Variants in SPSB1 observed in about 807,000 individuals in gnomAD.
SPSB1 encodes the protein splA/ryanodine receptor domain and SOCS box containing 1.
In SPSB1, 8 loss-of-function variants were observed where a neutral mutation model predicts 21.2. The observed-to-expected ratio is 0.38, with a 90% CI of 0.22 to 0.68. SPSB1 has a LOEUF of 0.68. Among genes scored for constraint, SPSB1 ranks in the 30% least tolerant of loss-of-function variants. The probability of loss-of-function intolerance (pLI) is 0.53; values close to 1 mark genes in which losing one functional copy is unlikely to be tolerated. For missense variants in SPSB1, 242 were observed against 377.8 expected (o/e 0.64, Z 2.98); for synonymous variants, 169 against 161.7 (o/e 1.05, Z -0.34).
chr1:9,298,406 A>G (rs1570166419), intron 1 of SPSB1, among the ~76,000 whole-genome samples: 1 of 81,766 alleles, frequency 1.2e-5, no homozygotes, highest in South Asian at 3.9e-4. Context: ...GAATGAGTGA[A>G]CGAATGAATG....
chr1:9,295,191 A>G (rs1279925292), intron 1 of SPSB1, among the ~76,000 whole-genome samples: 5 of 144,908 alleles, frequency 3.5e-5, no homozygotes, highest in Admixed American at 2.8e-4. Flanking sequence ...CAGTAGATGG[A>G]GTGTGTGTGT....
intron 1 of SPSB1, among the ~76,000 whole-genome samples, chr1:9,329,704 CA>C (rs370850231): frequency 0.011 from 970 of 87,024 alleles, 7 homozygotes; most frequent in African/African-American, 0.019. Flanking sequence ...AAAACAACAA[CA>C]AAAAAAAAAA....
chr1:9,359,091 C>A (rs1640422881), intron 2 of SPSB1, among the ~76,000 whole-genome samples: 1 of 152,232 alleles, frequency 6.6e-6, no homozygotes, highest in South Asian at 2.1e-4. Flanking sequence ...TAGATGGCCA[C>A]TCAGAGCATC....
chr1:9,311,203 T>C (rs972063604), intron 1 of SPSB1, among the ~76,000 whole-genome samples: 2 of 151,298 alleles, frequency 1.3e-5, no homozygotes, highest in African/African-American at 4.9e-5. Flanking sequence ...GCAGCCAGTA[T>C]TCCCTGAATG....
chr1:9,297,958 C>G (rs938562454), intron 1 of SPSB1, among the ~76,000 whole-genome samples: 9 of 152,210 alleles, frequency 5.9e-5, no homozygotes, highest in African/African-American at 2.2e-4. Context: ...CCAGCCCTTA[C>G]AGTGGGAGCC....
rs533796248 is a variant in SPSB1 at position 9,314,169 on chromosome 1, C to CT, written c.-150+21099dup. On this transcript the variant is annotated intron_variant, in intron 1 of 2. Coordinates refer to ENST00000328089, the MANE Select transcript of SPSB1 (RefSeq NM_025106.4). ...CCAGCCTGGGCAACAGATTGAGACT[C>CT]TATCTCAAAAAAAAAAAACAAAAAA... is the stretch of plus-strand genomic sequence containing the variant. 3.9e-4 allele frequency among the ~76,000 whole-genome samples: 48 copies of CT among 124,546 alleles called. 2 individuals carry two copies. In the South Asian group the frequency reaches 0.014, roughly 35 times the overall value. 81.7% of individuals were successfully genotyped at this position (124,546 alleles called of 152,430 possible). A position where few individuals can be genotyped will look rare whatever the true frequency, so the allele number is the denominator to read the frequency against.
At chr1:9,359,640 T>C (rs1277199215) in intron 2 of SPSB1, among the ~76,000 whole-genome samples, 1 of 148,438 alleles carries the variant, frequency 6.7e-6, no homozygotes, top group African/African-American at 2.5e-5. Context: ...AGGTGGAGGT[T>C]GCAGTGAGCT....
chr1:9,337,633 G>C (rs1368293854), intron 1 of SPSB1, among the ~76,000 whole-genome samples: 3 of 152,172 alleles, frequency 2.0e-5, no homozygotes, highest in African/African-American at 7.2e-5. Flanking sequence ...TCCCCAGTTA[G>C]GTGCCTCTCT....
At chr1:9,355,616 G>T in intron 1 of SPSB1, 127 bp from the exon 2 acceptor site, 5 of 1,086,460 alleles carry the variant, frequency 4.6e-6, no homozygotes, top group African/African-American at 1.6e-5. Flanking sequence ...GCCTGCCCGT[G>T]TCAGGCATGA....
chr1:9,323,702 G>T (rs940052485), intron 1 of SPSB1, among the ~76,000 whole-genome samples: 8 of 152,260 alleles, frequency 5.3e-5, no homozygotes, highest in South Asian at 4.1e-4. Context: ...ATGTTGGGCA[G>T]ATTCTGGGGA....
intron 1 of SPSB1, among the ~76,000 whole-genome samples, chr1:9,323,396 G>A (rs1412354624): frequency 6.6e-6 from 1 of 152,200 alleles, no homozygotes; most frequent in Non-Finnish European, 1.5e-5. Context: ...CTGGCTGGCT[G>A]TGGAGCCTCC....
intron 1 of SPSB1, among the ~76,000 whole-genome samples, chr1:9,350,488 G>A (rs935970720): frequency 2.0e-5 from 3 of 152,254 alleles, no homozygotes; most frequent in South Asian, 4.1e-4. Flanking sequence ...GCCGGCCAGG[G>A]CACTGCCTGG....
intron 1 of SPSB1, among the ~76,000 whole-genome samples, chr1:9,342,826 G>C (rs1357686770): frequency 6.6e-6 from 1 of 152,246 alleles, no homozygotes; most frequent in African/African-American, 2.4e-5. Context: ...AGAAAGGGGA[G>C]GGGGCAGAGG....
chr1:9,342,103 T>C (rs944538695), intron 1 of SPSB1, among the ~76,000 whole-genome samples: 5 of 152,212 alleles, frequency 3.3e-5, no homozygotes. Context: ...CTTAGGGGCT[T>C]AGCAGATACT....
At chr1:9,327,253 T>G (rs1639831278) in intron 1 of SPSB1, among the ~76,000 whole-genome samples, 1 of 152,228 alleles carries the variant, frequency 6.6e-6, no homozygotes, top group South Asian at 2.1e-4. Context: ...CTCATCCAGT[T>G]TCATTTCTAT....
chr1:9,310,593 G>A (rs1639500737), intron 1 of SPSB1, among the ~76,000 whole-genome samples: 1 of 152,164 alleles, frequency 6.6e-6, no homozygotes, highest in African/African-American at 2.4e-5. Flanking sequence ...TACTCTGGAG[G>A]CTGAGGCAGG....
At chr1:9,344,774 G>A (rs1171422379) in intron 1 of SPSB1, among the ~76,000 whole-genome samples, 1 of 152,006 alleles carries the variant, frequency 6.6e-6, no homozygotes, top group African/African-American at 2.4e-5. Context: ...CTGGGTGGTG[G>A]CCCCTGAAAT....
rs182308742 is a variant in SPSB1 at position 9,329,746 on chromosome 1, T to C, written c.-149-25997T>C. 1.9e-3 allele frequency among the ~76,000 whole-genome samples: 286 copies of C among 149,216 alleles called. 1 individual carries two copies. The highest frequency in any genetic ancestry group is 6.7e-3 in the African/African-American group (273 of 40,570). ...AAGAGAAAAGAAAGAAAGAAGTTAG[T>C]GCTGGAGTCCAGGAGACTTCCCAGA... On this transcript the variant is annotated intron_variant, in intron 1 of 2. Transcript: ENST00000328089.
chr1:9,333,328 CTTTT>C (rs33924371), intron 1 of SPSB1, among the ~76,000 whole-genome samples: 10 of 126,496 alleles, frequency 7.9e-5, no homozygotes, highest in South Asian at 2.7e-4. Context: ...TTGTCAGCTT[CTTTT>C]TTTTTTTTTT....
Sources: gnomAD v4.1 joint callset for allele counts (sites outside exome capture counted in the v4.1 genomes callset) on GRCh38, gnomAD v4.1.1 for gene constraint, MANE v1.5 for transcripts, NCBI Gene and HGNC (gene_info 2026-07-23, HGNC 2026-07-21) for gene names.